Variants in COL25A1 observed in about 807,000 individuals in gnomAD.
COL25A1 encodes the protein collagen type XXV alpha 1 chain.
In COL25A1, 103 loss-of-function variants were observed where a neutral mutation model predicts 128.4. The observed-to-expected ratio is 0.80, with a 90% CI of 0.68 to 0.94. The LOEUF is 0.94. COL25A1 is among the 40% of genes least tolerant of loss of function. The pLI, the probability that COL25A1 is intolerant of heterozygous loss-of-function variation, is 0.00. For missense variants in COL25A1, 745 were observed against 840.0 expected, an observed-to-expected ratio of 0.89 and a Z score of 1.40; for synonymous variants, 279 against 277.2, an observed-to-expected ratio of 1.01 and a Z score of -0.06.
chr4:109,033,656 C>A (rs539842409), intron 5 of COL25A1, among the ~76,000 whole-genome samples: 1 of 152,180 alleles, frequency 6.6e-6, no homozygotes, highest in Non-Finnish European at 1.5e-5. Context: ...CAACATCTCC[C>A]TTTCATGAAG....
chr4:109,105,559 A>T (rs1187565108), intron 3 of COL25A1, among the ~76,000 whole-genome samples: 1 of 151,536 alleles, frequency 6.6e-6, no homozygotes, highest in Non-Finnish European at 1.5e-5. Flanking sequence ...ATGAAAAAGA[A>T]ATTGGAAGAA....
chr4:109,022,817 T>C (rs1211288527), intron 5 of COL25A1, among the ~76,000 whole-genome samples: 3 of 152,138 alleles, frequency 2.0e-5, no homozygotes, highest in Non-Finnish European at 4.4e-5. Flanking sequence ...AATGCCAGGG[T>C]CTACGGCATT....
intron 3 of COL25A1, among the ~76,000 whole-genome samples, chr4:109,254,491 A>G (rs1387020572): frequency 8.7e-6 from 1 of 115,424 alleles, no homozygotes; most frequent in African/African-American, 3.9e-5. Context: ...ATATATATAT[A>G]TATATATATA....
At chr4:109,112,785 C>T (rs567880223) in intron 3 of COL25A1, among the ~76,000 whole-genome samples, 1 of 152,086 alleles carries the variant, frequency 6.6e-6, no homozygotes, top group Non-Finnish European at 1.5e-5. Flanking sequence ...TTCCACAAAG[C>T]TTTTCCTATT....
At chr4:109,269,268 T>TCG (rs879425493) in intron 3 of COL25A1, among the ~76,000 whole-genome samples, 5,345 of 151,718 alleles carry the variant, frequency 0.035, 323 homozygotes, top group African/African-American at 0.12. Context: ...GAACGCATTA[T>TCG]TTTTTATGGC....
At chr4:109,133,813 A>C (rs1244225229) in intron 3 of COL25A1, among the ~76,000 whole-genome samples, 3 of 152,166 alleles carry the variant, frequency 2.0e-5, no homozygotes, top group Admixed American at 1.3e-4. Flanking sequence ...TCTATTAAAC[A>C]TTGGAAATAA....
chr4:109,115,686 G>T (rs777827342), intron 3 of COL25A1, among the ~76,000 whole-genome samples: 5 of 152,024 alleles, frequency 3.3e-5, no homozygotes, highest in Non-Finnish European at 7.4e-5. Flanking sequence ...TAAAAAAGAA[G>T]TGTAACTTTT....
At chr4:109,191,733 G>T (rs757506585) in intron 3 of COL25A1, among the ~76,000 whole-genome samples, 1 of 152,148 alleles carries the variant, frequency 6.6e-6, no homozygotes, top group East Asian at 1.9e-4. Flanking sequence ...TAAAATTTAT[G>T]TCACAAATTA....
At chr4:108,920,534 A>G in intron 12 of COL25A1, 44 bp downstream of exon 12, 2 of 1,519,110 alleles carry the variant, frequency 1.3e-6, no homozygotes, top group Middle Eastern at 3.4e-4. Context: ...CCATTAGGTC[A>G]TGAGAGCATA....
At chr4:109,260,414 G>A (rs1781364362) in intron 3 of COL25A1, among the ~76,000 whole-genome samples, 1 of 152,082 alleles carries the variant, frequency 6.6e-6, no homozygotes, top group Non-Finnish European at 1.5e-5. Flanking sequence ...AACTATTATT[G>A]TTTTACTATA....
chr4:108,859,633 C>A (rs1736925610), intron 24 of COL25A1, 23 bp downstream of exon 24: 8 of 1,606,378 alleles, frequency 5.0e-6, no homozygotes, highest in Admixed American at 1.7e-5. Context: ...CAGTGTGTGT[C>A]AGGGCAGGGA....
At chr4:108,873,322 G>A (rs573376215) in intron 19 of COL25A1, among the ~76,000 whole-genome samples, 83 of 152,260 alleles carry the variant, frequency 5.5e-4, no homozygotes, top group African/African-American at 1.9e-3. Context: ...GAACAAAAAT[G>A]CAGAATTTTA....
At chr4:108,960,070 T>C (rs1750511834) in intron 8 of COL25A1, among the ~76,000 whole-genome samples, 1 of 152,140 alleles carries the variant, frequency 6.6e-6, no homozygotes, top group Admixed American at 6.6e-5. Context: ...CATAATGTTG[T>C]ATTCTAGAGT....
chr4:109,143,005 A>G (rs1770570866), intron 3 of COL25A1, among the ~76,000 whole-genome samples: 2 of 152,124 alleles, frequency 1.3e-5, no homozygotes, highest in South Asian at 4.1e-4. Flanking sequence ...TCATAGTGTC[A>G]ATGGTCTTTA....
intron 3 of COL25A1, among the ~76,000 whole-genome samples, chr4:109,219,607 C>A (rs1778278453): frequency 6.6e-6 from 1 of 152,092 alleles, no homozygotes; most frequent in Non-Finnish European, 1.5e-5. Context: ...TTTAACCTCT[C>A]CTATAGCCAC....
At chr4:109,208,840 T>C (rs1002884489) in intron 3 of COL25A1, among the ~76,000 whole-genome samples, 3 of 152,200 alleles carry the variant, frequency 2.0e-5, no homozygotes, top group African/African-American at 4.8e-5. Context: ...CTGAAGAGGA[T>C]CATTCTCCAC....
chr4:108,836,114 C>T (rs1487426397), intron 31 of COL25A1, among the ~76,000 whole-genome samples: 2 of 151,532 alleles, frequency 1.3e-5, no homozygotes, highest in African/African-American at 4.9e-5. Flanking sequence ...TGGTGATCCG[C>T]CCACCTCGGC....
intron 3 of COL25A1, among the ~76,000 whole-genome samples, chr4:109,215,529 A>G (rs528878822): frequency 1.6e-4 from 25 of 152,280 alleles, no homozygotes; most frequent in African/African-American, 5.5e-4. Flanking sequence ...AGTAAGATAT[A>G]AGTATGTAGA....
intron 5 of COL25A1, among the ~76,000 whole-genome samples, chr4:109,026,925 C>A (rs1376800495): frequency 6.6e-6 from 1 of 152,156 alleles, no homozygotes; most frequent in Non-Finnish European, 1.5e-5. Flanking sequence ...GATCAATTTG[C>A]TGTACAGAGG....
Sources: gnomAD v4.1 joint callset for allele counts (sites outside exome capture counted in the v4.1 genomes callset) on GRCh38, gnomAD v4.1.1 for gene constraint, MANE v1.5 for transcripts, NCBI Gene and HGNC (gene_info 2026-07-23, HGNC 2026-07-21) for gene names.